The following PAM variants were observed in gnomAD, a reference collection of about 807,000 sequenced individuals.
The protein encoded by PAM is peptidylglycine alpha-amidating monooxygenase, also known as peptidyl-glycine alpha-amidating monooxygenase.
A neutral mutation model predicts 122.1 loss-of-function variants in PAM; 72 were observed. The observed-to-expected ratio is 0.59, with a 90% CI of 0.49 to 0.72. The LOEUF (loss-of-function observed/expected upper bound fraction) is 0.72, where lower values mean the gene tolerates loss of function less well. Ranked by LOEUF, PAM falls within the 30% of genes least tolerant of loss-of-function variation. The pLI, the probability that PAM is intolerant of heterozygous loss-of-function variation, is 0.00. For missense variants in PAM, 1,106 were observed against 1,183.7 expected, an observed-to-expected ratio of 0.93 and a Z score of 0.96; for synonymous variants, 389 against 404.4, an observed-to-expected ratio of 0.96 and a Z score of 0.46.
intron 1 of PAM, among the ~76,000 whole-genome samples, chr5:102,857,529 A>G (rs1172816349): frequency 6.6e-6 from 1 of 152,220 alleles, no homozygotes; most frequent in East Asian, 1.9e-4. Flanking sequence ...TGAATTAGCT[A>G]AATGAGTAAT....
At chr5:102,964,684 A>G (rs1174919425) in intron 14 of PAM, among the ~76,000 whole-genome samples, 2 of 151,962 alleles carry the variant, frequency 1.3e-5, no homozygotes, top group Non-Finnish European at 2.9e-5. Flanking sequence ...AAACATGAGT[A>G]CATATATGTA....
intron 7 of PAM, among the ~76,000 whole-genome samples, chr5:102,930,116 CAG>C (rs1308516033): frequency 6.6e-6 from 1 of 152,096 alleles, no homozygotes; most frequent in Non-Finnish European, 1.5e-5. Context: ...GGAAATTACA[CAG>C]AATGTGAAGC....
chr5:102,778,920 A>C (rs146767171), intron 1 of PAM, among the ~76,000 whole-genome samples: 1 of 152,272 alleles, frequency 6.6e-6, no homozygotes, highest in East Asian at 1.9e-4. Context: ...CTTAATTCTC[A>C]GAGATCTACT....
chr5:103,028,876 C>CT lies in PAM; in HGVS notation c.2744-4dup, dbSNP rs752695208. ...CTTTACCCAATTCTGTTATTGTTTG[C>CT]TTTTTTTCAGGAAAGGGAAGTGGAG... On this transcript the variant is annotated splice_polypyrimidine_tract_variant and intron_variant, in intron 25 of 25. Transcript: ENST00000438793. The CT allele has an allele frequency of 3.2e-6, 5 of 1,585,596 alleles. No individual in the cohort carries two copies. In the South Asian group the frequency reaches 3.5e-5, roughly 11 times the overall value.
At chr5:102,839,230 T>C (rs547598301) in intron 1 of PAM, among the ~76,000 whole-genome samples, 1 of 152,302 alleles carries the variant, frequency 6.6e-6, no homozygotes, top group East Asian at 1.9e-4. Context: ...CCATGTAGAA[T>C]CATTATTTCT....
chr5:102,855,082 G>C (rs960878312), intron 1 of PAM, among the ~76,000 whole-genome samples: 1 of 152,000 alleles, frequency 6.6e-6, no homozygotes, highest in Non-Finnish European at 1.5e-5. Context: ...GTTTTTTTAA[G>C]CAACTTTGTT....
intron 1 of PAM, among the ~76,000 whole-genome samples, chr5:102,809,530 G>A (rs1767291274): frequency 6.6e-6 from 1 of 152,210 alleles, no homozygotes; most frequent in Non-Finnish European, 1.5e-5. Context: ...CGTTTATTCT[G>A]TGTGGAAGGT....
chr5:103,027,262 CTAATT>C (rs1785215939), intron 24 of PAM, among the ~76,000 whole-genome samples: 1 of 152,228 alleles, frequency 6.6e-6, no homozygotes, highest in Non-Finnish European at 1.5e-5. Flanking sequence ...AACTTACAAT[CTAATT>C]TGTTGGCTTT....
intron 7 of PAM, among the ~76,000 whole-genome samples, chr5:102,928,699 G>A (rs1750452198): frequency 6.6e-6 from 1 of 152,112 alleles, no homozygotes; most frequent in East Asian, 1.9e-4. Flanking sequence ...TTGGGAAGTG[G>A]TGGATATTAA....
At chr5:102,914,882 T>C (rs1213882890) in intron 5 of PAM, among the ~76,000 whole-genome samples, 1 of 152,080 alleles carries the variant, frequency 6.6e-6, no homozygotes, top group Non-Finnish European at 1.5e-5. Flanking sequence ...ATCACTATGG[T>C]GAGTCTTAAT....
chr5:102,885,189 T>A lies in PAM; in HGVS notation c.211-16167T>A, dbSNP rs146769579. Among the ~76,000 whole-genome samples, 1,071 of 151,722 alleles carry A rather than the reference T, an allele frequency of 7.1e-3. 12 individuals carry two copies. The highest frequency in any genetic ancestry group is 0.024 in the African/African-American group (979 of 41,358). ...TAACAAAAACTGCCATCAAAGTAGA[T>A]TCAAGCAGGAAAAAAATATCACTAG... On this transcript the variant is annotated intron_variant, in intron 3 of 25. Transcript: ENST00000438793.
chr5:102,835,964 A>G (rs1776904002), intron 1 of PAM, among the ~76,000 whole-genome samples: 1 of 152,160 alleles, frequency 6.6e-6, no homozygotes, highest in South Asian at 2.1e-4. Context: ...AAAAACCTGA[A>G]TGGGCAAATA....
At chr5:102,985,138 G>A (rs972040305) in intron 15 of PAM, among the ~76,000 whole-genome samples, 1 of 151,938 alleles carries the variant, frequency 6.6e-6, no homozygotes, top group African/African-American at 2.4e-5. Flanking sequence ...GTAGAAGGAT[G>A]TCAAATAAGC....
At chr5:102,848,609 G>A (rs1200282338) in intron 1 of PAM, among the ~76,000 whole-genome samples, 2 of 152,216 alleles carry the variant, frequency 1.3e-5, no homozygotes, top group Admixed American at 6.5e-5. Context: ...TTAGGGAGGT[G>A]TCTGGAGAAA....
At chr5:102,978,143 A>G (rs1768392417) in intron 15 of PAM, among the ~76,000 whole-genome samples, 1 of 152,210 alleles carries the variant, frequency 6.6e-6, no homozygotes, top group Non-Finnish European at 1.5e-5. Context: ...TGTGAGACAG[A>G]GAATTTTCTT....
chr5:102,942,849 G>C (rs930882173), intron 7 of PAM, among the ~76,000 whole-genome samples: 2 of 151,900 alleles, frequency 1.3e-5, no homozygotes, highest in Admixed American at 6.6e-5. Flanking sequence ...GGGATTATGG[G>C]CATGAGCCAT....
chr5:102,769,111 C>T (rs919301983), intron 1 of PAM, among the ~76,000 whole-genome samples: 11 of 152,048 alleles, frequency 7.2e-5, no homozygotes, highest in African/African-American at 1.2e-4. Context: ...TGATGTTGAG[C>T]GCCTTTTCAT....
chr5:102,942,357 G>C (rs965174916), intron 7 of PAM, among the ~76,000 whole-genome samples: 1 of 151,986 alleles, frequency 6.6e-6, no homozygotes, highest in African/African-American at 2.4e-5. Flanking sequence ...ATAAGGTAAA[G>C]ATCAAAACAG....
chr5:102,936,179 T>C (rs1753188306), intron 7 of PAM, among the ~76,000 whole-genome samples: 1 of 152,156 alleles, frequency 6.6e-6, no homozygotes, highest in African/African-American at 2.4e-5. Context: ...AAAGCAGTGA[T>C]GTCATGTTGG....
Sources: gnomAD v4.1 joint callset for allele counts (sites outside exome capture counted in the v4.1 genomes callset) on GRCh38, gnomAD v4.1.1 for gene constraint, MANE v1.5 for transcripts, NCBI Gene and HGNC (gene_info 2026-07-23, HGNC 2026-07-21) for gene names.